The following COG6 variants were observed in gnomAD, a reference collection of about 807,000 sequenced individuals.
COG6 encodes the protein conserved oligomeric Golgi complex subunit 6.
COG6 carries 74 observed loss-of-function variants against 88.8 expected under a neutral mutation model. That is an observed-to-expected ratio of 0.83 (90% CI 0.69 to 1.01). The LOEUF (loss-of-function observed/expected upper bound fraction) is 1.01, where lower values mean the gene tolerates loss of function less well. Ranked by LOEUF, COG6 falls within the 50% of genes least tolerant of loss-of-function variation. The pLI is 0.00. For missense variants in COG6, 800 were observed against 797.9 expected, an observed-to-expected ratio of 1.00 and a Z score of -0.03; for synonymous variants, 286 against 278.7, an observed-to-expected ratio of 1.03 and a Z score of -0.26.
intron 18 of COG6, among the ~76,000 whole-genome samples, chr13:39,774,346 C>T (rs1402526113): frequency 6.6e-6 from 1 of 152,122 alleles, no homozygotes; most frequent in East Asian, 1.9e-4. Flanking sequence ...ATTTATTAAA[C>T]ATTGTTTTAA....
intron 18 of COG6, among the ~76,000 whole-genome samples, chr13:39,775,770 ATTT>A (rs200096309): frequency 6.9e-6 from 1 of 145,336 alleles, no homozygotes; most frequent in Non-Finnish European, 1.5e-5. Context: ...TACATCTGAA[ATTT>A]TTTTTTTTTT....
chr13:39,716,021 G>GT (rs1593446834), intron 13 of COG6, among the ~76,000 whole-genome samples: 1 of 151,608 alleles, frequency 6.6e-6, no homozygotes, highest in East Asian at 1.9e-4. Flanking sequence ...TATTCTGGAG[G>GT]TTTTTTTTAA....
chr13:39,716,675 A>G (rs531092010), intron 13 of COG6, among the ~76,000 whole-genome samples: 1 of 152,202 alleles, frequency 6.6e-6, no homozygotes, highest in South Asian at 2.1e-4. Context: ...AGGGTTAGTT[A>G]TATTTCCTGA....
At chr13:39,658,560 A>T (rs549445092) in intron 1 of COG6, among the ~76,000 whole-genome samples, 1 of 152,144 alleles carries the variant, frequency 6.6e-6, no homozygotes, top group Non-Finnish European at 1.5e-5. Flanking sequence ...CCCCTTTACC[A>T]TTCATTTTCC....
In COG6 at chr13:39,719,640, A is replaced by C; in HGVS notation, c.1417-20A>C. On this transcript the variant is annotated intron_variant, in intron 14 of 18. Transcript: ENST00000455146. Reference sequence around the variant, plus strand: ...TCAGTGATTGAGAAATAAAGAGTTCATTTTATTTTTCATTTGTAGGTTTTA... The same window carrying C: ...TCAGTGATTGAGAAATAAAGAGTTCCTTTTATTTTTCATTTGTAGGTTTTA... The C allele has an allele frequency of 6.3e-7, 1 of 1,599,462 alleles. No homozygotes were observed. Among genetic ancestry groups the C allele is most frequent in the South Asian group, 1.1e-5 (1 of 90,782 alleles).
chr13:39,720,333 A>G (rs1274632328), intron 15 of COG6, among the ~76,000 whole-genome samples: 2 of 152,146 alleles, frequency 1.3e-5, no homozygotes, highest in African/African-American at 2.4e-5. Context: ...GCAAATGGTT[A>G]TCACTTAAGA....
chr13:39,655,829 C>A lies in COG6; in HGVS notation c.103C>A (p.Leu35Met). 2 of 1,604,496 alleles carry A rather than the reference C, an allele frequency of 1.2e-6. No individual in the cohort carries two copies. The highest frequency in any genetic ancestry group is 2.2e-5 in the South Asian group (2 of 89,746). Residue 35 changes from leucine to methionine, a missense_variant, in exon 1 of 19, where the codon CTG (leucine) becomes ATG (methionine). Physicochemically the swap from Leu to Met is conservative, Grantham distance 15 (BLOSUM62 2). Coordinates refer to ENST00000455146, the MANE Select transcript of COG6 (RefSeq NM_020751.3). ...GACCTCGGCGACGACCTGCAACCCGCTGTCGCGCAAGCTGCATAAGATCCT... is the reference window on the plus strand; with the variant it reads ...GACCTCGGCGACGACCTGCAACCCGATGTCGCGCAAGCTGCATAAGATCCT... ...GGTSATTCNP[L>M]SRKLHKILET...
At chr13:39,737,614 G>A (rs1382684839) in intron 18 of COG6, among the ~76,000 whole-genome samples, 1 of 151,320 alleles carries the variant, frequency 6.6e-6, no homozygotes, top group Non-Finnish European at 1.5e-5. Context: ...CATCACCTGG[G>A]GTTGCGGGAG....
chr13:39,691,255 TTAAAC>T (rs1876962935), intron 11 of COG6, among the ~76,000 whole-genome samples: 1 of 151,942 alleles, frequency 6.6e-6, no homozygotes, highest in Non-Finnish European at 1.5e-5. Context: ...TTAAAAATGT[TTAAAC>T]TAATCCAGCC....
In COG6 at chr13:39,689,779, A is replaced by G; in HGVS notation, c.1029A>G (p.Gln343=). 7.5e-6 allele frequency: 12 copies of G among 1,609,590 alleles called. No individual in the cohort carries two copies. The highest frequency in any genetic ancestry group is 9.3e-6 in the Non-Finnish European group (11 of 1,177,182). ...TTTTAGGTGTTGAAGAAAATATTCA[A>G]GAAGTTGTTGGGCATATCACTGAAG... ...VTTQGVEENI[Q]EVVGHITEGV... The change falls in exon 11 of 19, where the codon CAA becomes CAG. Residue 343 remains glutamine, a synonymous_variant. Transcript: ENST00000455146.
At chr13:39,661,423 A>G (rs191372888) in intron 3 of COG6, among the ~76,000 whole-genome samples, 2 of 152,268 alleles carry the variant, frequency 1.3e-5, no homozygotes, top group African/African-American at 4.8e-5. Context: ...GCCAATCATG[A>G]TTATGTCTAC....
intron 18 of COG6, among the ~76,000 whole-genome samples, chr13:39,746,494 C>T (rs1206247573): frequency 6.6e-6 from 1 of 152,142 alleles, no homozygotes; most frequent in African/African-American, 2.4e-5. Flanking sequence ...TTGATAAGGA[C>T]ATTCCCAACT....
At chr13:39,758,993 C>T (rs974942729) in intron 18 of COG6, among the ~76,000 whole-genome samples, 2 of 152,054 alleles carry the variant, frequency 1.3e-5, no homozygotes, top group Admixed American at 6.6e-5. Flanking sequence ...TAATTTGATT[C>T]TATTTTAATG....
chr13:39,687,038 C>T (rs1239027598), intron 8 of COG6, among the ~76,000 whole-genome samples: 1 of 152,030 alleles, frequency 6.6e-6, no homozygotes, highest in East Asian at 1.9e-4. Context: ...CTTGGATTTG[C>T]AGAGTTCTAA....
chr13:39,680,169 AGTATTT>A (rs1876225510), intron 7 of COG6, 124 bp downstream of exon 7: 2 of 633,794 alleles, frequency 3.2e-6, no homozygotes, highest in South Asian at 4.2e-5. Flanking sequence ...AAATAAAAAT[AGTATTT>A]GTATTTGGTT....
chr13:39,672,655 C>T (rs1875721846), intron 4 of COG6, among the ~76,000 whole-genome samples: 2 of 152,006 alleles, frequency 1.3e-5, no homozygotes, highest in South Asian at 2.1e-4. Context: ...AGTTGATAGA[C>T]ATTTGGGTTA....
Position 39,730,273 on chromosome 13 carries a change from GT to G in COG6, c.1826+2728del, listed in dbSNP as rs1879362960. Among the ~76,000 whole-genome samples the G allele has an allele frequency of 2.0e-5, 3 of 152,018 alleles. 1 individual carries two copies. The South Asian group carries it at 6.3e-4, about 32-fold the overall frequency. On this transcript the variant is annotated intron_variant, in intron 18 of 18. Coordinates refer to ENST00000455146, the MANE Select transcript of COG6 (RefSeq NM_020751.3). ...ATAAGTATTAATACTACAAACAAGA[GT>G]TTGAAATTTCTTAGTACCTATTTAC... is the stretch of plus-strand genomic sequence containing the variant.
chr13:39,659,044 AT>A lies in COG6; in HGVS notation c.154-310del, dbSNP rs35836630. Among the ~76,000 whole-genome samples, 100,038 of 151,466 alleles carry A rather than the reference AT, an allele frequency of 0.66. 33,221 individuals are homozygous for A. Among genetic ancestry groups the A allele is most frequent in the Admixed American group, 0.77 (11,723 of 15,216 alleles). On this transcript the variant is annotated intron_variant, in intron 1 of 18. Transcript: ENST00000455146. Reference sequence around the variant, plus strand: ...GCTTATACTACGTAAGTGCATAAAGATTTTTTTTTTGTGAATGAGTATATCA... The same window carrying A: ...GCTTATACTACGTAAGTGCATAAAGATTTTTTTTTGTGAATGAGTATATCA...
intron 13 of COG6, among the ~76,000 whole-genome samples, chr13:39,709,999 T>C (rs1378256571): frequency 6.6e-6 from 1 of 152,210 alleles, no homozygotes; most frequent in African/African-American, 2.4e-5. Context: ...TTTATTCCAT[T>C]GATTTCATTT....
Sources: gnomAD v4.1 joint callset for allele counts (sites outside exome capture counted in the v4.1 genomes callset) on GRCh38, gnomAD v4.1.1 for gene constraint, MANE v1.5 for transcripts, NCBI Gene and HGNC (gene_info 2026-07-23, HGNC 2026-07-21) for gene names.